The following STON1 variants were observed in gnomAD, a reference collection of about 807,000 sequenced individuals.
STON1 encodes stonin-1.
A neutral mutation model predicts 60.9 loss-of-function variants in STON1; 79 were observed. The observed-to-expected ratio is 1.30, with a 90% CI of 1.08 to 1.56. STON1 has a LOEUF of 1.56. Among genes scored for constraint, STON1 ranks in the 40% most tolerant of loss-of-function variants. The pLI, the probability that STON1 is intolerant of heterozygous loss-of-function variation, is 0.00. For missense variants in STON1, 1,166 were observed against 858.9 expected, an observed-to-expected ratio of 1.36 and a Z score of -4.47; for synonymous variants, 363 against 306.9, an observed-to-expected ratio of 1.18 and a Z score of -1.91.
chr2:48,559,078 A>G (rs895463945), intron 1 of STON1, among the ~76,000 whole-genome samples: 3 of 152,210 alleles, frequency 2.0e-5, no homozygotes, highest in African/African-American at 7.2e-5. Flanking sequence ...AAATCTGAAA[A>G]CATCTGAAAT....
At chr2:48,547,972 C>G (rs1161469250) in intron 1 of STON1, among the ~76,000 whole-genome samples, 1 of 152,216 alleles carries the variant, frequency 6.6e-6, no homozygotes, top group Non-Finnish European at 1.5e-5. Flanking sequence ...TTCTCATGTC[C>G]TTACCAAATC....
intron 1 of STON1, 46 bp from the exon 2 acceptor site, chr2:48,580,541 C>A: frequency 7.7e-7 from 1 of 1,306,042 alleles, no homozygotes; most frequent in Non-Finnish European, 9.8e-7. Flanking sequence ...TGATTCCCCC[C>A]TTCATTTTAT....
At chr2:48,549,509 A>T (rs1444713126) in intron 1 of STON1, among the ~76,000 whole-genome samples, 1 of 152,156 alleles carries the variant, frequency 6.6e-6, no homozygotes, top group African/African-American at 2.4e-5. Flanking sequence ...CTGGTTTGTC[A>T]GTGGTTCAAG....
chr2:48,576,573 T>A (rs942560967), intron 1 of STON1, among the ~76,000 whole-genome samples: 1 of 151,932 alleles, frequency 6.6e-6, no homozygotes, highest in Non-Finnish European at 1.5e-5. Context: ...CGTTGTAGTT[T>A]TGATTTGCAT....
intron 2 of STON1, among the ~76,000 whole-genome samples, chr2:48,590,564 A>G (rs1266907454): frequency 6.6e-6 from 1 of 151,732 alleles, no homozygotes; most frequent in African/African-American, 2.4e-5. Flanking sequence ...GCTATGAACA[A>G]TGCAACAGAA....
intron 1 of STON1, among the ~76,000 whole-genome samples, chr2:48,575,221 C>G (rs919124859): frequency 2.6e-5 from 4 of 152,302 alleles, no homozygotes; most frequent in East Asian, 1.9e-4. Flanking sequence ...GAATAATATT[C>G]TATTGTATGA....
chr2:48,531,881 A>G (rs970122779), intron 1 of STON1: 2 of 152,226 alleles, frequency 1.3e-5, no homozygotes, highest in African/African-American at 4.8e-5. Flanking sequence ...AGGTCCAAGT[A>G]TTGAACCATT....
intron 1 of STON1, chr2:48,532,032 C>T (rs1671231268): frequency 6.6e-6 from 1 of 151,398 alleles, no homozygotes; most frequent in African/African-American, 2.4e-5. Flanking sequence ...ATTGTGGTCT[C>T]AAAACATCAT....
At chr2:48,592,895 G>A (rs953667163) in intron 3 of STON1, among the ~76,000 whole-genome samples, 6 of 152,100 alleles carry the variant, frequency 3.9e-5, no homozygotes, top group East Asian at 1.9e-4. Flanking sequence ...GATTACAAGC[G>A]TGAGCCACCG....
At position 48,560,818 on chromosome 2, in the gene STON1, C is replaced by G. The variant is rs56108839; in HGVS notation, c.-47-19769C>G. 1.1e-4 allele frequency among the ~76,000 whole-genome samples: 17 copies of G among 152,258 alleles called. No individual in the cohort carries two copies. The South Asian group carries it at 3.3e-3, about 30-fold the overall frequency. On this transcript the variant is annotated intron_variant, in intron 1 of 3. Coordinates refer to ENST00000404752, the MANE Select transcript of STON1 (RefSeq NM_006873.4). ...GCATCCATGCTGGGCAAGCAGGCCA[C>G]GTGCTCCCTTGCTTCCAGACTGGCA...
chr2:48,534,600 C>G lies in STON1; in HGVS notation c.-48+4384C>G, dbSNP rs569105697. Among the ~76,000 whole-genome samples, 3 of 152,294 alleles carry G rather than the reference C, an allele frequency of 2.0e-5. No homozygotes were observed. In the East Asian group the frequency reaches 5.8e-4, roughly 29 times the overall value. On this transcript the variant is annotated intron_variant, in intron 1 of 3. Coordinates refer to ENST00000404752, the MANE Select transcript of STON1 (RefSeq NM_006873.4). ...TTGGGAGGCTGAGGTGGAAGGATCA[C>G]TTGAGCCCAGGGGTTGAAGACTAAG...
At chr2:48,585,688 G>C (rs536534860) in intron 2 of STON1, among the ~76,000 whole-genome samples, 1 of 152,192 alleles carries the variant, frequency 6.6e-6, no homozygotes, top group Non-Finnish European at 1.5e-5. Flanking sequence ...TTAGGTTAGA[G>C]GGTTTAAACA....
chr2:48,569,111 T>C (rs1251000408), intron 1 of STON1: 1 of 152,240 alleles, frequency 6.6e-6, no homozygotes, highest in East Asian at 1.9e-4. Context: ...TCCTCCGAAC[T>C]TATTTTCCTT....
chr2:48,588,610 C>T (rs752929528), intron 2 of STON1, among the ~76,000 whole-genome samples: 7 of 152,134 alleles, frequency 4.6e-5, no homozygotes, highest in African/African-American at 1.7e-4. Flanking sequence ...CTTGGCCTTC[C>T]GAGTGCTGGG....
At chr2:48,585,139 G>T (rs556438442) in intron 2 of STON1, among the ~76,000 whole-genome samples, 12 of 152,266 alleles carry the variant, frequency 7.9e-5, no homozygotes, top group African/African-American at 2.9e-4. Context: ...GGTGCAGCCT[G>T]GTCACAGTAA....
intron 2 of STON1, among the ~76,000 whole-genome samples, chr2:48,586,137 T>G (rs1419917457): frequency 6.6e-6 from 1 of 152,240 alleles, no homozygotes; most frequent in Non-Finnish European, 1.5e-5. Context: ...CAATCATCTT[T>G]TCTAATTTTG....
At chr2:48,559,369 G>C (rs899979298) in intron 1 of STON1, among the ~76,000 whole-genome samples, 30 of 152,114 alleles carry the variant, frequency 2.0e-4, no homozygotes, top group African/African-American at 7.0e-4. Context: ...TGTCTGCTGA[G>C]GTCCTGTTCC....
intron 1 of STON1, among the ~76,000 whole-genome samples, chr2:48,564,786 G>T (rs1228492697): frequency 7.5e-6 from 1 of 132,634 alleles, no homozygotes; most frequent in Non-Finnish European, 1.6e-5. Flanking sequence ...AGGCTGGAGT[G>T]CAGTGGCACG....
rs1674744195 is a variant in STON1, at chr2:48,595,377, T to C, written c.*75T>C. ...CCGAAACCACACCAAGTCCTGCTAC[T>C]GTAGAGTGGAAATGACTTCTGAATA... On this transcript the variant is annotated 3_prime_UTR_variant, in exon 4 of 4. Transcript: ENST00000404752. 2 of 1,329,166 alleles carry C rather than the reference T, an allele frequency of 1.5e-6. No homozygotes were observed. The highest frequency in any genetic ancestry group is 1.5e-5 in the African/African-American group (1 of 68,462). The allele number at this position is 1,329,166 out of a possible 1,614,324, so 82.3% of individuals were successfully genotyped here. A position where few individuals can be genotyped will look rare whatever the true frequency, so the allele number is the denominator to read the frequency against.
Sources: gnomAD v4.1 joint callset for allele counts (sites outside exome capture counted in the v4.1 genomes callset) on GRCh38, gnomAD v4.1.1 for gene constraint, MANE v1.5 for transcripts, NCBI Gene and HGNC (gene_info 2026-07-23, HGNC 2026-07-21) for gene names.